Variants in BLTP1 observed in about 807,000 individuals in gnomAD.
The protein encoded by BLTP1 is fragile site-associated protein.
chr4:122,322,218 G>GT, the BLTP1 span, among the ~76,000 whole-genome samples: 1 of 150,386 alleles, frequency 6.6e-6, no homozygotes, highest in East Asian at 2.0e-4. Flanking sequence ...GTTTTGTTTT[G>GT]TTTTTTTAGT....
At chr4:122,246,154 A>G in the BLTP1 span, 2 of 1,569,786 alleles carry the variant, frequency 1.3e-6, no homozygotes, top group Non-Finnish European at 1.7e-6. Context: ...CTTTTTAGTT[A>G]TCTTCCAAAC....
At chr4:122,193,741 A>G in the BLTP1 span, 6 of 717,508 alleles carry the variant, frequency 8.4e-6, no homozygotes, top group Non-Finnish European at 1.0e-5. Flanking sequence ...AGCAGATATT[A>G]CGGGGCCATT....
the BLTP1 span, chr4:122,167,735 A>G: frequency 0.99 from 978,568 of 985,342 alleles, 486,278 homozygotes; most frequent in East Asian, 1. Context: ...TAATTTATTC[A>G]TATCAGGCTC....
chr4:122,250,293 A>C, the BLTP1 span: 1 of 1,456,526 alleles, frequency 6.9e-7, no homozygotes, highest in Non-Finnish European at 9.4e-7. Context: ...TTTTATACAG[A>C]TATTGTAGAG....
At chr4:122,278,656 C>T in the BLTP1 span, among the ~76,000 whole-genome samples, 6 of 152,282 alleles carry the variant, frequency 3.9e-5, no homozygotes, top group East Asian at 1.2e-3. Context: ...TTTGACTGGT[C>T]CACTTTTATC....
At chr4:122,196,637 ATTGT>A in the BLTP1 span, 3 of 1,604,716 alleles carry the variant, frequency 1.9e-6, no homozygotes, top group Non-Finnish European at 2.6e-6. Context: ...TAATGTAGAG[ATTGT>A]TTGTGGAAGT....
the BLTP1 span, chr4:122,300,926 A>T: frequency 1.0e-6 from 1 of 984,920 alleles, no homozygotes; most frequent in Non-Finnish European, 1.2e-6. Context: ...GGCAAAAAAA[A>T]AAAAAAATGC....
chr4:122,189,939 T>C, the BLTP1 span: 2 of 1,593,636 alleles, frequency 1.3e-6, no homozygotes, highest in African/African-American at 1.4e-5. Context: ...TTAACTAGGA[T>C]ACTGAACATT....
chr4:122,162,218 T>G, the BLTP1 span, among the ~76,000 whole-genome samples: 1 of 152,256 alleles, frequency 6.6e-6, no homozygotes, highest in African/African-American at 2.4e-5. Context: ...TTGTACTTTC[T>G]ATGTTGCTCC....
At chr4:122,348,422 C>A in the BLTP1 span, 1 of 665,846 alleles carries the variant, frequency 1.5e-6, no homozygotes, top group Non-Finnish European at 2.4e-6. Context: ...ATTTTAGAGG[C>A]AATAGGATAA....
the BLTP1 span, among the ~76,000 whole-genome samples, chr4:122,158,583 C>T: frequency 3.3e-5 from 5 of 151,846 alleles, no homozygotes; most frequent in East Asian, 3.9e-4. Context: ...CTGGCTAACA[C>T]GGTGAAACCC....
chr4:122,152,370 C>T, the BLTP1 span: 10 of 985,760 alleles, frequency 1.0e-5, no homozygotes, highest in African/African-American at 1.7e-5. Flanking sequence ...CTCCCCTCCT[C>T]CTCCGCCCCC....
chr4:122,342,016 G>A, the BLTP1 span, among the ~76,000 whole-genome samples: 1 of 152,292 alleles, frequency 6.6e-6, no homozygotes, highest in South Asian at 2.1e-4. Context: ...AAGGTTTAGA[G>A]AGATAGGAAA....
the BLTP1 span, chr4:122,204,553 C>G: frequency 9.1e-6 from 9 of 984,894 alleles, no homozygotes; most frequent in Non-Finnish European, 1.1e-5. Flanking sequence ...AGACTGCAGA[C>G]TGTTTGCCTT....
the BLTP1 span, chr4:122,349,780 G>A: frequency 5.7e-3 from 8,892 of 1,566,966 alleles, 440 homozygotes; most frequent in African/African-American, 0.1. The surrounding 1 kb of genome is among the most constrained non-coding windows in gnomAD (Gnocchi z 4.5). Context: ...AAAGCTGGGC[G>A]GGGGAAGAAA....
chr4:122,187,531 A>T, the BLTP1 span: 1 of 1,605,142 alleles, frequency 6.2e-7, no homozygotes, highest in Non-Finnish European at 8.5e-7. Flanking sequence ...ATTCTGCTAC[A>T]ATTACTGTTT....
the BLTP1 span, among the ~76,000 whole-genome samples, chr4:122,303,634 C>T: frequency 3.0e-4 from 45 of 152,120 alleles, 1 homozygote; most frequent in Non-Finnish European, 4.7e-4. Context: ...TGGAAGAAGT[C>T]GGTTCCAACT....
chr4:122,172,043 G>T, the BLTP1 span: 6 of 626,474 alleles, frequency 9.6e-6, no homozygotes, highest in South Asian at 7.1e-5. Flanking sequence ...AGATATAATG[G>T]CATATCATCA....
the BLTP1 span, among the ~76,000 whole-genome samples, chr4:122,284,325 T>A: frequency 6.6e-6 from 1 of 152,204 alleles, no homozygotes; most frequent in South Asian, 2.1e-4. Context: ...GCTTGCCTTG[T>A]CTGATTTTCT....
Sources: gnomAD v4.1 joint callset for allele counts (sites outside exome capture counted in the v4.1 genomes callset) on GRCh38, gnomAD v4.1.1 for gene constraint, Gnocchi (gnomAD v3.1) non-coding constraint, MANE v1.5 for transcripts, NCBI Gene and HGNC (gene_info 2026-07-23, HGNC 2026-07-21) for gene names.